LARGE1: variants seen among roughly 807,000 people sequenced by gnomAD.
LARGE1 encodes the protein xylosyl- and glucuronyltransferase LARGE1.
Under a neutral mutation model 87.6 loss-of-function variants are expected in LARGE1, and 43 were observed. The observed-to-expected ratio is 0.49, with a 90% confidence interval of 0.38 to 0.63. The LOEUF (loss-of-function observed/expected upper bound fraction) is 0.63, where lower values mean the gene tolerates loss of function less well. LARGE1 is among the 30% of genes least tolerant of loss of function. The pLI, the probability that LARGE1 is intolerant of heterozygous loss-of-function variation, is 0.00. For missense variants in LARGE1, 802 were observed against 1,000.2 expected, an observed-to-expected ratio of 0.80 and a Z score of 2.67; for synonymous variants, 434 against 394.6, an observed-to-expected ratio of 1.10 and a Z score of -1.18.
chr22:33,661,850 A>T (rs115593486), intron 2 of LARGE1, among the ~76,000 whole-genome samples: 2,839 of 152,098 alleles, frequency 0.019, 72 homozygotes, highest in African/African-American at 0.057. Context: ...CTCGGGAGGG[A>T]GGGGGACTAC....
chr22:33,245,448 C>T (rs1383248661), intron 11 of LARGE1, among the ~76,000 whole-genome samples: 2 of 152,220 alleles, frequency 1.3e-5, no homozygotes, highest in African/African-American at 4.8e-5. Flanking sequence ...AAGATATTTG[C>T]TCTTGAATGA....
At chr22:33,524,332 C>T (rs1359438483) in intron 6 of LARGE1, among the ~76,000 whole-genome samples, 1 of 151,822 alleles carries the variant, frequency 6.6e-6, no homozygotes, top group East Asian at 1.9e-4. Flanking sequence ...AAGCCCATTT[C>T]CTTGCCAGGC....
intron 5 of LARGE1, among the ~76,000 whole-genome samples, chr22:33,574,428 T>C (rs890822357): frequency 1.3e-5 from 2 of 152,160 alleles, no homozygotes; most frequent in Non-Finnish European, 2.9e-5. Context: ...AAAAACTCTG[T>C]ACATGTTCAA....
intron 11 of LARGE1, chr22:33,305,692 C>T: frequency 1.5e-6 from 1 of 675,252 alleles, no homozygotes; most frequent in Non-Finnish European, 1.8e-6. Flanking sequence ...CCAGAGTTTT[C>T]TCTCAGTAAT....
chr22:33,167,631 C>T (rs1476005), intron 11 of LARGE1, among the ~76,000 whole-genome samples: 25,443 of 152,108 alleles, frequency 0.17, 2,284 homozygotes, highest in South Asian at 0.32. Flanking sequence ...TACTTATTCC[C>T]AACCAGATTG....
intron 11 of LARGE1, among the ~76,000 whole-genome samples, chr22:33,267,388 T>C (rs1928011683): frequency 2.0e-5 from 3 of 151,736 alleles, no homozygotes; most frequent in African/African-American, 4.9e-5. Context: ...TATTAGAACG[T>C]TGAAGGCAGA....
At chr22:33,499,397 C>T (rs939443272) in intron 6 of LARGE1, among the ~76,000 whole-genome samples, 4 of 152,112 alleles carry the variant, frequency 2.6e-5, no homozygotes, top group Non-Finnish European at 4.4e-5. Context: ...TTAGTTATAA[C>T]GATTGGTTAA....
intron 2 of LARGE1, among the ~76,000 whole-genome samples, chr22:33,712,581 G>A (rs2082765108): frequency 6.6e-6 from 1 of 151,944 alleles, no homozygotes; most frequent in African/African-American, 2.4e-5. Context: ...AATGGGTAGA[G>A]AAGTGGAGGA....
chr22:33,346,138 C>T (rs1480102913), intron 9 of LARGE1, among the ~76,000 whole-genome samples: 1 of 152,126 alleles, frequency 6.6e-6, no homozygotes, highest in African/African-American at 2.4e-5. Context: ...TTAAACCTGT[C>T]TCTCATGATG....
rs532547714 is a variant in LARGE1 at position 33,764,578 on chromosome 22, C to T, written c.-82-3020G>A. Among the ~76,000 whole-genome samples, 6 of 152,070 alleles carry T rather than the reference C, an allele frequency of 3.9e-5. No homozygotes were observed. In the East Asian group the frequency reaches 5.8e-4, roughly 15 times the overall value. On this transcript the variant is annotated intron_variant, in intron 1 of 14. Transcript: ENST00000397394. Reference sequence around the variant, plus strand: ...TTTGAGACCAGCCTGGCCAACATGACGAAACCCTGTCTCTACTAAAAATAC... The same window carrying T: ...TTTGAGACCAGCCTGGCCAACATGATGAAACCCTGTCTCTACTAAAAATAC...
At chr22:33,596,328 C>G (rs1283676171) in intron 5 of LARGE1, among the ~76,000 whole-genome samples, 1 of 152,198 alleles carries the variant, frequency 6.6e-6, no homozygotes, top group Non-Finnish European at 1.5e-5. Flanking sequence ...CAAAGGTATG[C>G]TTTCAAGTGC....
intron 1 of LARGE1, among the ~76,000 whole-genome samples, chr22:33,908,964 G>A (rs1312862921): frequency 6.6e-6 from 1 of 152,130 alleles, no homozygotes; most frequent in African/African-American, 2.4e-5. Context: ...AGCCACTCAT[G>A]AGGAAAAGAA....
intron 2 of LARGE1, among the ~76,000 whole-genome samples, chr22:33,676,667 A>T (rs1226834945): frequency 1.3e-5 from 2 of 152,114 alleles, no homozygotes; most frequent in Non-Finnish European, 2.9e-5. Context: ...TCTCATCAAG[A>T]CTGTAAGATC....
At chr22:33,703,552 A>G (rs1315615949) in intron 2 of LARGE1, among the ~76,000 whole-genome samples, 2 of 152,196 alleles carry the variant, frequency 1.3e-5, no homozygotes, top group African/African-American at 4.8e-5. Flanking sequence ...TGGGCCTGAT[A>G]TAATTACAAA....
At chr22:33,665,751 G>A (rs2081249627) in intron 2 of LARGE1, among the ~76,000 whole-genome samples, 1 of 152,064 alleles carries the variant, frequency 6.6e-6, no homozygotes, top group African/African-American at 2.4e-5. Context: ...ACTTAGCCGG[G>A]CATGGTGGTG....
chr22:33,517,758 C>T (rs115834784), intron 6 of LARGE1, among the ~76,000 whole-genome samples: 1,702 of 152,288 alleles, frequency 0.011, 36 homozygotes, highest in African/African-American at 0.039. Flanking sequence ...AATCTACCCA[C>T]AGACCCGGAG....
At chr22:33,604,800 C>A (rs2079207772) in intron 4 of LARGE1, among the ~76,000 whole-genome samples, 2 of 152,192 alleles carry the variant, frequency 1.3e-5, no homozygotes, top group Admixed American at 1.3e-4. Context: ...CCAATCACTA[C>A]TGACACCCAA....
chr22:33,135,298 A>T, the LARGE1 span, among the ~76,000 whole-genome samples: 3 of 152,170 alleles, frequency 2.0e-5, no homozygotes, highest in African/African-American at 2.4e-5. Context: ...CCTTGCTTCT[A>T]ATAGAATAGT....
chr22:33,528,884 A>G (rs1369946437), intron 6 of LARGE1, among the ~76,000 whole-genome samples: 2 of 152,152 alleles, frequency 1.3e-5, no homozygotes, highest in Non-Finnish European at 2.9e-5. Flanking sequence ...AGTACTTAAC[A>G]TTTATTGAGT....
Sources: gnomAD v4.1 joint callset for allele counts (sites outside exome capture counted in the v4.1 genomes callset) on GRCh38, gnomAD v4.1.1 for gene constraint, MANE v1.5 for transcripts, NCBI Gene and HGNC (gene_info 2026-07-23, HGNC 2026-07-21) for gene names.